The following KANK2 variants were observed in gnomAD, a reference collection of about 807,000 sequenced individuals.
KANK2 encodes the protein KN motif and ankyrin repeat domains 2.
KANK2 carries 41 observed loss-of-function variants against 74.6 expected under a neutral mutation model. The ratio of observed to expected loss-of-function variants is 0.55; its 90% CI spans 0.43 to 0.71. The LOEUF is 0.71. Among genes scored for constraint, KANK2 ranks in the 30% least tolerant of loss-of-function variants. The pLI is 0.00. For missense variants in KANK2, 1,148 were observed against 1,196.4 expected, an observed-to-expected ratio of 0.96 and a Z score of 0.60; for synonymous variants, 537 against 519.0, an observed-to-expected ratio of 1.03 and a Z score of -0.47.
intron 4 of KANK2, among the ~76,000 whole-genome samples, chr19:11,186,798 C>T (rs17766560): frequency 0.012 from 1,793 of 152,216 alleles, 34 homozygotes; most frequent in East Asian, 0.068. Context: ...GTTAGGAGTG[C>T]GGATAGGGAC....
At position 11,170,368 on chromosome 19, in the gene KANK2, G is replaced by C; in HGVS notation, c.2212-120C>G. On this transcript the variant is annotated intron_variant, in intron 10 of 12. Transcript: ENST00000586659. The surrounding 1 kb of genome is among the most constrained non-coding windows in gnomAD (Gnocchi z 5.2). ...TGGTGAAATGTACCCTCAACTTGCT[G>C]ATCTCCTCCTGAATCTCAAACAACC... 1.4e-6 allele frequency: 1 copy of C among 735,002 alleles called. No individual in the cohort carries two copies. The allele number at this position is 735,002 out of a possible 1,614,324, so 45.5% of individuals were successfully genotyped here.
intron 4 of KANK2, among the ~76,000 whole-genome samples, chr19:11,191,196 A>T (rs183243376): frequency 2.0e-5 from 3 of 151,050 alleles, no homozygotes; most frequent in African/African-American, 7.3e-5. Flanking sequence ...GTGCGCCACC[A>T]CGCCCGGCTA....
At chr19:11,179,194 T>C (rs2078439303) in intron 4 of KANK2, among the ~76,000 whole-genome samples, 1 of 151,082 alleles carries the variant, frequency 6.6e-6, no homozygotes, top group Admixed American at 6.6e-5. Flanking sequence ...TGCACACCTG[T>C]CGTTCCAGCC....
At chr19:11,189,313 C>T (rs746061437) in intron 4 of KANK2, among the ~76,000 whole-genome samples, 2 of 151,976 alleles carry the variant, frequency 1.3e-5, no homozygotes, top group East Asian at 1.9e-4. Context: ...TCAGGACCCC[C>T]GATTTGCAAA....
intron 8 of KANK2, among the ~76,000 whole-genome samples, chr19:11,175,022 A>ATC (rs1424327712): frequency 6.7e-6 from 1 of 148,928 alleles, no homozygotes; most frequent in African/African-American, 2.5e-5. Flanking sequence ...CAGTTACATG[A>ATC]TCAGGACTCA....
intron 4 of KANK2, among the ~76,000 whole-genome samples, chr19:11,185,596 C>A (rs1339049125): frequency 1.3e-5 from 2 of 150,070 alleles, no homozygotes; most frequent in East Asian, 3.9e-4. Context: ...CCGTAGTTTG[C>A]CAGTTTTGAC....
upstream of KANK2, chr19:11,197,732 C>G (rs2147672831): frequency 6.6e-6 from 1 of 152,072 alleles, no homozygotes; most frequent in East Asian, 1.9e-4. Flanking sequence ...GTGTGCGCGC[C>G]GGGGTGTCCG....
intron 12 of KANK2, among the ~76,000 whole-genome samples, chr19:11,167,645 A>G (rs2078059443): frequency 6.6e-6 from 1 of 151,764 alleles, no homozygotes; most frequent in African/African-American, 2.4e-5. Flanking sequence ...CTCATGCCTC[A>G]GCCTCCCGAG....
At chr19:11,195,331 G>A (rs12975458) in intron 2 of KANK2, 5,344 of 152,230 alleles carry the variant, frequency 0.035, 145 homozygotes, top group Non-Finnish European at 0.055. Flanking sequence ...GAAGTAAGAG[G>A]GGGCGCCTGG....
chr19:11,181,194 T>C (rs146801500), intron 4 of KANK2, among the ~76,000 whole-genome samples: 9 of 149,830 alleles, frequency 6.0e-5, no homozygotes, highest in African/African-American at 2.0e-4. Context: ...GACAAAAACA[T>C]TGCATGATTT....
At chr19:11,166,645 G>A (rs768208743) in intron 12 of KANK2, 34 bp from the exon 13 acceptor site, 7 of 1,608,244 alleles carry the variant, frequency 4.4e-6, no homozygotes, top group Middle Eastern at 1.6e-4. Flanking sequence ...TTTTGTTTGG[G>A]ATCCTTTCCA....
At chr19:11,192,431 CTTTTTTTTTTT>C (rs34285924) in intron 4 of KANK2, 3 of 159,954 alleles carry the variant, frequency 1.9e-5, no homozygotes, top group Non-Finnish European at 3.4e-5. Flanking sequence ...CCTTGGCATT[CTTTTTTTTTTT>C]TTTTTTTTTT....
chr19:11,187,623 G>C (rs2078713704), intron 4 of KANK2, among the ~76,000 whole-genome samples: 4 of 152,186 alleles, frequency 2.6e-5, no homozygotes, highest in Admixed American at 2.6e-4. Context: ...ATGTGAAATA[G>C]AAATTTCAGG....
At chr19:11,177,425 G>A (rs994136439) in intron 6 of KANK2, among the ~76,000 whole-genome samples, 1 of 152,030 alleles carries the variant, frequency 6.6e-6, no homozygotes, top group Non-Finnish European at 1.5e-5. Flanking sequence ...TGTAATCTCA[G>A]TTCACTGCAA....
chr19:11,177,897 C>T (rs563933074), intron 6 of KANK2, among the ~76,000 whole-genome samples: 1 of 152,260 alleles, frequency 6.6e-6, no homozygotes, highest in Non-Finnish European at 1.5e-5. Flanking sequence ...CTTCACCTTG[C>T]TAGCTCCTAC....
chr19:11,192,941 C>A lies in KANK2; in HGVS notation c.1139G>T (p.Arg380Leu), dbSNP rs537129742. The A allele has an allele frequency of 1.2e-6, 2 of 1,614,068 alleles. No individual in the cohort carries two copies. Among genetic ancestry groups the A allele is most frequent in the Non-Finnish European group, 1.7e-6 (2 of 1,180,032 alleles). ...PGRPESPPVF[R>L]SQEVVETMCP... Reference sequence around the variant, plus strand: ...CATTGTCTCCACCACCTCCTGGCTGCGGAACACAGGTGGGCTCTCAGGCCT... The same window carrying A: ...CATTGTCTCCACCACCTCCTGGCTGAGGAACACAGGTGGGCTCTCAGGCCT... The change falls in exon 4 of 13, where the codon CGC becomes CTC. Residue 380 changes from arginine (R) to leucine (L), a missense_variant. Arg to Leu is a moderately radical substitution (Grantham distance 102). Transcript: ENST00000586659.
Position 11,176,836 on chromosome 19 carries a change from G to A in KANK2, c.1521-19C>T. The A allele has an allele frequency of 2.0e-6, 3 of 1,495,524 alleles. No individual in the cohort carries two copies. The highest frequency in any genetic ancestry group is 1.4e-5 in the South Asian group (1 of 72,304). 92.6% of individuals were successfully genotyped at this position (1,495,524 alleles called of 1,614,324 possible). ...CTCATACCTGGGGAGGAACGAGCGG[G>A]GAGGGGGAGATGCTGCAGGTGGGAT... On this transcript the variant is annotated intron_variant, in intron 6 of 12. Coordinates refer to ENST00000586659, the MANE Select transcript of KANK2 (RefSeq NM_001136191.3).
In KANK2 at chr19:11,193,603, C is replaced by T. The variant is rs1420882969; in HGVS notation, c.477G>A (p.Leu159=). The change falls in exon 4 of 13, where the codon CTG becomes CTA. Residue 159 remains leucine (L), a synonymous_variant. Transcript: ENST00000586659. The surrounding 1 kb of genome is among the most constrained non-coding windows in gnomAD (Gnocchi z 9.6). ...TPSAAGSTAS[L]VGVGLPPPTP... ...TCGGGGGTGGCAACCCCACGCCCACCAGGGAGGCTGTCGAGCCGGCCGCAC... is the reference window on the plus strand; with the variant it reads ...TCGGGGGTGGCAACCCCACGCCCACTAGGGAGGCTGTCGAGCCGGCCGCAC... The T allele has an allele frequency of 7.6e-6, 12 of 1,585,104 alleles. No individual in the cohort carries two copies. The highest frequency in any genetic ancestry group is 9.4e-6 in the Non-Finnish European group (11 of 1,167,182).
In KANK2 at chr19:11,178,653, C is replaced by T. The variant is rs1466965773; in HGVS notation, c.1317G>A (p.Gln439=). 5 of 1,578,882 alleles carry T rather than the reference C, an allele frequency of 3.2e-6. No homozygotes were observed. In the East Asian group the frequency reaches 7.0e-5, roughly 22 times the overall value. Residue 439 remains glutamine, a synonymous_variant, in exon 5 of 13, where the codon CAG becomes CAA. Transcript: ENST00000586659. ...GCACTCGGCCTGTGCTCTTCTCAGGCTGTGTAAGGGAGGCTACCTCGGACC... is the reference window on the plus strand; with the variant it reads ...GCACTCGGCCTGTGCTCTTCTCAGGTTGTGTAAGGGAGGCTACCTCGGACC... ...PPGSEVASLT[Q]PEKSTGRVPT... is the part of the protein sequence containing the mutation.
Sources: allele counts gnomAD v4.1 joint callset (sites outside exome capture counted in the v4.1 genomes callset), GRCh38; gene constraint gnomAD v4.1.1; non-coding constraint Gnocchi (gnomAD v3.1); transcripts MANE v1.5; gene names NCBI Gene and HGNC (gene_info 2026-07-23, HGNC 2026-07-21).